The following DEUP1 variants were observed in gnomAD, a reference collection of about 807,000 sequenced individuals.
DEUP1 encodes the protein coiled-coil domain containing 67.
DEUP1 carries 82 observed loss-of-function variants against 87.4 expected under a neutral mutation model. The observed-to-expected ratio is 0.94, with a 90% CI of 0.78 to 1.13. The LOEUF is 1.13. DEUP1 is among the 50% of genes most tolerant of loss of function. The pLI, the probability that DEUP1 is intolerant of heterozygous loss-of-function variation, is 0.00. For synonymous variants in DEUP1, 214 were observed against 222.7 expected, an observed-to-expected ratio of 0.96 and a Z score of 0.35; for missense variants, 663 against 681.5, an observed-to-expected ratio of 0.97 and a Z score of 0.30.
In DEUP1 at chr11:93,371,235, T is replaced by G; in HGVS notation, c.744T>G (p.Asn248Lys). ...ALSRNKLQDE[N>K]QKLLQELKMY... ...GCAGGAATAAATTACAAGATGAAAA[T>G]CAGAAGCTCTTGCAAGAACTGAAAA... The change falls in exon 7 of 14, where the codon AAT becomes AAG. Residue 248 changes from asparagine (N) to lysine (K), a missense_variant. Asn to Lys is a moderately conservative substitution (Grantham distance 94, BLOSUM62 0). Coordinates refer to ENST00000298050, the MANE Select transcript of DEUP1 (RefSeq NM_181645.4). 1 of 1,613,118 alleles carries G rather than the reference T, an allele frequency of 6.2e-7. No homozygotes were observed. The highest frequency in any genetic ancestry group is 8.5e-7 in the Non-Finnish European group (1 of 1,179,594).
chr11:93,405,589 G>A (rs1947248035), intron 11 of DEUP1, among the ~76,000 whole-genome samples: 1 of 151,926 alleles, frequency 6.6e-6, no homozygotes, highest in Non-Finnish European at 1.5e-5. Flanking sequence ...TCCATAATAG[G>A]TAGTAAGCGG....
chr11:93,401,937 T>C (rs1464276965), intron 11 of DEUP1, among the ~76,000 whole-genome samples: 1 of 151,974 alleles, frequency 6.6e-6, no homozygotes. Flanking sequence ...TCCATGACTT[T>C]AGTCTGAGCA....
chr11:93,381,617 G>A (rs1479904530), intron 7 of DEUP1, among the ~76,000 whole-genome samples: 3 of 152,088 alleles, frequency 2.0e-5, no homozygotes, highest in Admixed American at 1.3e-4. Flanking sequence ...TTCCTGGGAA[G>A]TTAATGACAA....
intron 5 of DEUP1, among the ~76,000 whole-genome samples, chr11:93,365,691 AG>A (rs1424489072): frequency 1.3e-5 from 2 of 152,248 alleles, no homozygotes; most frequent in African/African-American, 4.8e-5. Flanking sequence ...AGTGGAAATT[AG>A]TAGCAAAATA....
chr11:93,331,160 T>C (rs1442699836), intron 1 of DEUP1, among the ~76,000 whole-genome samples: 1 of 133,872 alleles, frequency 7.5e-6, no homozygotes, highest in Non-Finnish European at 1.7e-5. Context: ...TCCTCTCCGC[T>C]CTGTCTCTCT....
intron 7 of DEUP1, among the ~76,000 whole-genome samples, chr11:93,377,225 A>G (rs912339761): frequency 1.3e-5 from 2 of 152,204 alleles, no homozygotes; most frequent in East Asian, 1.9e-4. Context: ...GAAGTCCCCC[A>G]CTATTACTGT....
intron 5 of DEUP1, 49 bp from the exon 6 acceptor site, chr11:93,370,024 T>C (rs1945635970): frequency 1.0e-6 from 1 of 956,274 alleles, no homozygotes; most frequent in Admixed American, 2.2e-5. Flanking sequence ...TGCTGTACTT[T>C]AAAATGAATA....
chr11:93,430,796 C>A (rs1030422903), intron 13 of DEUP1, among the ~76,000 whole-genome samples: 1 of 151,980 alleles, frequency 6.6e-6, no homozygotes, highest in Non-Finnish European at 1.5e-5. Context: ...AATAAATGAA[C>A]AAATAAGAAA....
At chr11:93,354,913 C>G (rs1241433819) in intron 2 of DEUP1, among the ~76,000 whole-genome samples, 3 of 152,162 alleles carry the variant, frequency 2.0e-5, no homozygotes, top group African/African-American at 7.2e-5. Flanking sequence ...TGCCAAATTC[C>G]TCTCCTTGAG....
chr11:93,363,387 G>A (rs1945270430), intron 4 of DEUP1, among the ~76,000 whole-genome samples: 1 of 151,828 alleles, frequency 6.6e-6, no homozygotes, highest in Non-Finnish European at 1.5e-5. Flanking sequence ...TCCTGGGTTT[G>A]ATGTACTGTG....
In DEUP1 at chr11:93,355,521, T is replaced by C. The variant is rs1227767156; in HGVS notation, c.180T>C (p.Cys60=). The C allele has an allele frequency of 9.3e-6, 15 of 1,613,678 alleles. No homozygotes were observed. Among genetic ancestry groups the C allele is most frequent in the Non-Finnish European group, 1.3e-5 (15 of 1,179,740 alleles). Residue 60 remains cysteine, a synonymous_variant, in exon 3 of 14, where the codon TGT becomes TGC. Coordinates refer to ENST00000298050, the MANE Select transcript of DEUP1 (RefSeq NM_181645.4). ...AAGAATTGGCAAATGCACAAACTTG[T>C]TTGGATCAGAAAGGTCAAGAGGTAC... ...RDQELANAQT[C]LDQKGQEVGL... is the part of the protein sequence containing the mutation.
chr11:93,410,346 G>A (rs1361799705), intron 12 of DEUP1, among the ~76,000 whole-genome samples: 3 of 152,142 alleles, frequency 2.0e-5, no homozygotes, highest in African/African-American at 4.8e-5. Context: ...GAAAGAGGTC[G>A]CTGGGCATGG....
At chr11:93,415,362 A>T (rs546201283) in intron 13 of DEUP1, among the ~76,000 whole-genome samples, 1 of 152,030 alleles carries the variant, frequency 6.6e-6, no homozygotes, top group Non-Finnish European at 1.5e-5. Flanking sequence ...ATTACTGGAG[A>T]TGGTGTTTTT....
At chr11:93,400,379 C>T (rs1285538506) in intron 11 of DEUP1, among the ~76,000 whole-genome samples, 1 of 151,648 alleles carries the variant, frequency 6.6e-6, no homozygotes, top group Non-Finnish European at 1.5e-5. Flanking sequence ...CTTGTAGATA[C>T]ATCAGCCCAA....
chr11:93,387,554 C>T (rs1946619388), intron 8 of DEUP1, among the ~76,000 whole-genome samples: 1 of 152,018 alleles, frequency 6.6e-6, no homozygotes, highest in African/African-American at 2.4e-5. Flanking sequence ...TATACATGTA[C>T]ATTAGCATTT....
intron 13 of DEUP1, 68 bp downstream of exon 13, chr11:93,415,182 A>G: frequency 1.1e-6 from 1 of 919,270 alleles, no homozygotes; most frequent in Non-Finnish European, 1.7e-6. Flanking sequence ...ACTGATGTCA[A>G]TAAACTGACG....
intron 2 of DEUP1, among the ~76,000 whole-genome samples, chr11:93,349,011 C>T (rs939917529): frequency 1.3e-5 from 2 of 152,124 alleles, no homozygotes; most frequent in African/African-American, 2.4e-5. Context: ...TCAGATGTTA[C>T]CTCATTTAGG....
At chr11:93,433,792 T>C (rs954491748) in intron 13 of DEUP1, among the ~76,000 whole-genome samples, 1 of 152,090 alleles carries the variant, frequency 6.6e-6, no homozygotes, top group Non-Finnish European at 1.5e-5. Flanking sequence ...TAAGCAAAGA[T>C]GTGGTCTGAG....
At chr11:93,361,139 G>A (rs959291129) in intron 4 of DEUP1, among the ~76,000 whole-genome samples, 3 of 152,062 alleles carry the variant, frequency 2.0e-5, no homozygotes, top group African/African-American at 7.2e-5. Flanking sequence ...TTCAAGTGCT[G>A]AAAGAACAGA....
Sources: allele counts gnomAD v4.1 joint callset (sites outside exome capture counted in the v4.1 genomes callset), GRCh38; gene constraint gnomAD v4.1.1; transcripts MANE v1.5; gene names NCBI Gene and HGNC (gene_info 2026-07-23, HGNC 2026-07-21).